The following SLC24A2 variants were observed in gnomAD, a reference collection of about 807,000 sequenced individuals.
The protein encoded by SLC24A2 is sodium/potassium/calcium exchanger 2.
A neutral mutation model predicts 62.0 loss-of-function variants in SLC24A2; 36 were observed. That is an observed-to-expected ratio of 0.58 (90% confidence interval 0.44 to 0.77). SLC24A2 has a LOEUF of 0.77. Among genes scored for constraint, SLC24A2 ranks in the 30% least tolerant of loss-of-function variants. The probability of loss-of-function intolerance (pLI) is 0.00; values close to 1 mark genes in which losing one functional copy is unlikely to be tolerated. For missense variants in SLC24A2, 846 were observed against 817.9 expected (o/e 1.03, Z -0.42); for synonymous variants, 358 against 294.0 (o/e 1.22, Z -2.23).
chr9:19,551,620 T>C (rs771817862), intron 7 of SLC24A2, among the ~76,000 whole-genome samples: 8 of 152,090 alleles, frequency 5.3e-5, no homozygotes, highest in Non-Finnish European at 1.0e-4. Context: ...TTTAGAAAGC[T>C]CCTACCCCTG....
chr9:20,250,626 GTGC>G, the SLC24A2 span, among the ~76,000 whole-genome samples: 2 of 152,180 alleles, frequency 1.3e-5, no homozygotes, highest in Middle Eastern at 3.4e-3. Flanking sequence ...TCATGTGAGT[GTGC>G]TGAACACAAG....
At position 19,629,048 on chromosome 9, in the gene SLC24A2, TATATA is replaced by T. The variant is rs376660518; in HGVS notation, c.931-6754_931-6750del. ...GTAATAATGTGTGCCAAGTGTTATATATATAATATCTCATCGAATCCTCACAATAA... is the reference window on the plus strand; with the variant it reads ...GTAATAATGTGTGCCAAGTGTTATATATATCTCATCGAATCCTCACAATAA... On this transcript the variant is annotated intron_variant, in intron 2 of 10. Coordinates refer to ENST00000341998, the MANE Select transcript of SLC24A2 (RefSeq NM_020344.4). 7.7e-4 allele frequency among the ~76,000 whole-genome samples: 117 copies of T among 152,274 alleles called. 2 individuals carry two copies. The highest frequency in any genetic ancestry group is 3.4e-3 in the Middle Eastern group (1 of 294).
chr9:19,716,907 T>C (rs969461581), intron 2 of SLC24A2, among the ~76,000 whole-genome samples: 1 of 152,228 alleles, frequency 6.6e-6, no homozygotes, highest in African/African-American at 2.4e-5. Flanking sequence ...TTAGTTACTA[T>C]TGTTATTTTT....
At chr9:19,739,292 T>A (rs1391068902) in intron 2 of SLC24A2, among the ~76,000 whole-genome samples, 1 of 152,246 alleles carries the variant, frequency 6.6e-6, no homozygotes, top group Non-Finnish European at 1.5e-5. Context: ...TAAATTATAG[T>A]TGAATGCAAT....
At chr9:20,167,931 C>A in the SLC24A2 span, among the ~76,000 whole-genome samples, 1 of 151,458 alleles carries the variant, frequency 6.6e-6, no homozygotes, top group Non-Finnish European at 1.5e-5. Flanking sequence ...TTAGGCTTTA[C>A]CTCTCCCTCT....
intron 2 of SLC24A2, among the ~76,000 whole-genome samples, chr9:19,688,680 T>C (rs895986945): frequency 6.6e-6 from 1 of 152,128 alleles, no homozygotes; most frequent in Admixed American, 6.6e-5. Context: ...ATAGCTTTCA[T>C]TTAGGAAATG....
rs71335446 is a variant in SLC24A2 at position 19,718,284 on chromosome 9, CTTTTTTTTTTTT to C, written c.930+67641_930+67652del. Among the ~76,000 whole-genome samples the C allele has an allele frequency of 4.5e-4, 25 of 55,734 alleles. 1 individual carries two copies. Among genetic ancestry groups the C allele is most frequent in the African/African-American group, 2.1e-3 (25 of 11,820 alleles). The allele number at this position is 55,734 out of a possible 152,430, so 36.6% of individuals were successfully genotyped here. On this transcript the variant is annotated intron_variant, in intron 2 of 10. Coordinates refer to ENST00000341998, the MANE Select transcript of SLC24A2 (RefSeq NM_020344.4). ...GCTACCATGCCTGGCTGATTTAACA[CTTTTTTTTTTTT>C]TTTTTTTTTTTTTTTAGACAGGGTC...
chr9:20,047,181 G>A, the SLC24A2 span, among the ~76,000 whole-genome samples: 15 of 152,096 alleles, frequency 9.9e-5, no homozygotes, highest in Non-Finnish European at 2.1e-4. Context: ...CCAAGGGAAC[G>A]GGCAACAGGA....
At chr9:19,655,511 T>A (rs973384763) in intron 2 of SLC24A2, among the ~76,000 whole-genome samples, 6 of 152,188 alleles carry the variant, frequency 3.9e-5, no homozygotes, top group Admixed American at 6.5e-5. Flanking sequence ...AAGGGTGTAA[T>A]GAGGACTCTT....
chr9:20,143,214 A>C, the SLC24A2 span, among the ~76,000 whole-genome samples: 2 of 152,244 alleles, frequency 1.3e-5, no homozygotes, highest in South Asian at 2.1e-4. Flanking sequence ...AGAGAAAACT[A>C]TTTGTCCAGT....
chr9:19,663,325 A>C (rs1819155974), intron 2 of SLC24A2, among the ~76,000 whole-genome samples: 1 of 152,160 alleles, frequency 6.6e-6, no homozygotes, highest in South Asian at 2.1e-4. Context: ...AGTTCCCACA[A>C]AGTTCTAGAG....
chr9:20,158,913 C>A, the SLC24A2 span, among the ~76,000 whole-genome samples: 1 of 151,624 alleles, frequency 6.6e-6, no homozygotes, highest in Non-Finnish European at 1.5e-5. Flanking sequence ...ATATTCTGAT[C>A]AAGTCCTAGA....
intron 2 of SLC24A2, among the ~76,000 whole-genome samples, chr9:19,711,588 T>A (rs953740539): frequency 2.0e-5 from 3 of 152,238 alleles, no homozygotes; most frequent in African/African-American, 4.8e-5. Context: ...GCTGGCTTGA[T>A]ATAAAGATAA....
the SLC24A2 span, among the ~76,000 whole-genome samples, chr9:19,898,463 C>T: frequency 2.0e-5 from 3 of 152,182 alleles, no homozygotes; most frequent in African/African-American, 4.8e-5. Flanking sequence ...AAAGAATAGG[C>T]CTGGCGCGGT....
intron 2 of SLC24A2, among the ~76,000 whole-genome samples, chr9:19,718,496 A>G (rs1348699654): frequency 7.1e-6 from 1 of 141,194 alleles, no homozygotes; most frequent in Non-Finnish European, 1.5e-5. Flanking sequence ...ATTTTTGTAG[A>G]AACAGGGTTT....
chr9:19,932,743 C>G, the SLC24A2 span, among the ~76,000 whole-genome samples: 2 of 152,170 alleles, frequency 1.3e-5, no homozygotes, highest in Admixed American at 6.5e-5. Flanking sequence ...CTACAATACC[C>G]TCTCTTTGAA....
the SLC24A2 span, among the ~76,000 whole-genome samples, chr9:20,245,591 G>C: frequency 1.3e-5 from 2 of 152,182 alleles, no homozygotes; most frequent in African/African-American, 4.8e-5. Flanking sequence ...ATGGTGAGGA[G>C]AATAAGCAGA....
intron 2 of SLC24A2, among the ~76,000 whole-genome samples, chr9:19,626,212 T>C (rs898583170): frequency 6.6e-6 from 1 of 152,194 alleles, no homozygotes; most frequent in East Asian, 1.9e-4. Flanking sequence ...TCTTTGTACA[T>C]AGCCTTTCAC....
chr9:20,179,201 G>A, the SLC24A2 span, among the ~76,000 whole-genome samples: 1 of 152,096 alleles, frequency 6.6e-6, no homozygotes, highest in African/African-American at 2.4e-5. Context: ...TGGGGCCCAA[G>A]GGGACTGTGC....
Sources: allele counts gnomAD v4.1 joint callset (sites outside exome capture counted in the v4.1 genomes callset), GRCh38; gene constraint gnomAD v4.1.1; transcripts MANE v1.5; gene names NCBI Gene and HGNC (gene_info 2026-07-23, HGNC 2026-07-21).